The following UMAD1 variants were observed in gnomAD, a reference collection of about 807,000 sequenced individuals.
The protein encoded by UMAD1 is UBAP1-MVB12-associated (UMA) domain containing 1, also known as UBAP1-MVB12-associated (UMA)-domain containing protein 1.
Under a neutral mutation model 6.1 loss-of-function variants are expected in UMAD1, and 8 were observed. That is an observed-to-expected ratio of 1.30 (90% CI 0.76 to 2.35). The LOEUF (loss-of-function observed/expected upper bound fraction) is 2.35. Ranked by LOEUF, UMAD1 falls within the 30% of genes most tolerant of loss-of-function variation. The probability of loss-of-function intolerance (pLI) is 0.00; values close to 1 mark genes in which losing one functional copy is unlikely to be tolerated. For missense variants in UMAD1, 130 were observed against 78.4 expected (o/e 1.66, Z -2.49); for synonymous variants, 56 against 31.4 (o/e 1.78, Z -2.61).
intron 2 of UMAD1, among the ~76,000 whole-genome samples, chr7:7,677,618 T>C (rs1013301444): frequency 1.3e-5 from 2 of 152,026 alleles, no homozygotes; most frequent in Admixed American, 1.3e-4. Flanking sequence ...TAGTATTCCA[T>C]TGTGTATATG....
chr7:7,665,142 A>G (rs966853051), intron 1 of UMAD1, among the ~76,000 whole-genome samples: 2 of 152,210 alleles, frequency 1.3e-5, no homozygotes, highest in Non-Finnish European at 2.9e-5. Flanking sequence ...TTGAAATTCA[A>G]AGGAGATAAT....
At chr7:7,869,651 G>A (rs1784300764) in intron 3 of UMAD1, among the ~76,000 whole-genome samples, 2 of 152,308 alleles carry the variant, frequency 1.3e-5, no homozygotes, top group South Asian at 4.1e-4. Flanking sequence ...GCCAAATATA[G>A]ATGACTTTCA....
chr7:7,659,868 G>A (rs1563093791), intron 1 of UMAD1, among the ~76,000 whole-genome samples: 1 of 152,132 alleles, frequency 6.6e-6, no homozygotes, highest in Non-Finnish European at 1.5e-5. Flanking sequence ...TTAATTTTCT[G>A]TCTCGTTGAT....
At chr7:7,679,735 C>G (rs1024722341) in intron 2 of UMAD1, among the ~76,000 whole-genome samples, 2 of 142,980 alleles carry the variant, frequency 1.4e-5, no homozygotes, top group Non-Finnish European at 1.5e-5. Flanking sequence ...TATATATACA[C>G]ACACACATAT....
chr7:7,648,616 C>G (rs527372857), intron 1 of UMAD1, among the ~76,000 whole-genome samples: 6 of 151,884 alleles, frequency 4.0e-5, no homozygotes, highest in African/African-American at 1.5e-4. Context: ...TTTGGGAGGC[C>G]GAGGCAGGTA....
intron 2 of UMAD1, among the ~76,000 whole-genome samples, chr7:7,692,859 G>A (rs1016744532): frequency 6.6e-6 from 1 of 152,066 alleles, no homozygotes; most frequent in African/African-American, 2.4e-5. Context: ...TGCCTGCCTC[G>A]GCTTCCCACA....
chr7:7,766,087 A>C (rs958051842), intron 2 of UMAD1, among the ~76,000 whole-genome samples: 4 of 152,322 alleles, frequency 2.6e-5, no homozygotes, highest in South Asian at 4.1e-4. Context: ...GGCAGATAGA[A>C]CCGAAATGTA....
chr7:7,705,042 A>G (rs1317049493), intron 2 of UMAD1, among the ~76,000 whole-genome samples: 1 of 152,206 alleles, frequency 6.6e-6, no homozygotes, highest in South Asian at 2.1e-4. Flanking sequence ...CATCTGTAAC[A>G]CAGGACTACT....
intron 2 of UMAD1, among the ~76,000 whole-genome samples, chr7:7,712,380 A>AT (rs1437350760): frequency 2.0e-5 from 3 of 152,122 alleles, no homozygotes; most frequent in Non-Finnish European, 2.9e-5. Context: ...TCCTTAATAC[A>AT]TTTTTGTAAA....
chr7:7,850,732 A>C (rs890864500), intron 3 of UMAD1, among the ~76,000 whole-genome samples: 1 of 150,072 alleles, frequency 6.7e-6, no homozygotes, highest in Admixed American at 6.6e-5. Flanking sequence ...GAAGAGCTTG[A>C]TATTTTTCAA....
intron 2 of UMAD1, among the ~76,000 whole-genome samples, chr7:7,722,218 C>G (rs923170193): frequency 2.7e-5 from 4 of 149,622 alleles, no homozygotes; most frequent in African/African-American, 9.8e-5. Flanking sequence ...TAGATATATA[C>G]TATTAGTTCT....
intron 2 of UMAD1, among the ~76,000 whole-genome samples, chr7:7,711,064 G>A (rs1780750560): frequency 6.6e-6 from 1 of 152,166 alleles, no homozygotes; most frequent in Non-Finnish European, 1.5e-5. Context: ...GCAAGTGTGT[G>A]TGGCTATAGA....
At chr7:7,812,111 A>G (rs12702656) in intron 3 of UMAD1, among the ~76,000 whole-genome samples, 130,797 of 152,170 alleles carry the variant, frequency 0.86, 56,340 homozygotes, top group Non-Finnish European at 0.88. Flanking sequence ...TTGAAAGGTC[A>G]TAATTCTGGT....
chr7:7,814,021 G>A (rs1285746606), intron 3 of UMAD1, among the ~76,000 whole-genome samples: 2 of 151,124 alleles, frequency 1.3e-5, no homozygotes, highest in East Asian at 1.9e-4. Flanking sequence ...GTCTCGCTCT[G>A]TTGCCAGGCT....
rs796407618 is a variant in UMAD1 at position 7,655,110 on chromosome 7, G to A, written c.-64+14289G>A. Among the ~76,000 whole-genome samples, 14 of 152,180 alleles carry A rather than the reference G, an allele frequency of 9.2e-5. 1 individual carries two copies. Among genetic ancestry groups the A allele is most frequent in the African/African-American group, 3.1e-4 (13 of 41,508 alleles). ...ACAGCAATGATTCCAGACAGTTCCT[G>A]GTAGTAGATATCTTACATGCTAATG... On this transcript the variant is annotated intron_variant, in intron 1 of 3. Transcript: ENST00000682710.
chr7:7,730,797 C>G lies in UMAD1; in HGVS notation c.82+57344C>G, dbSNP rs1223927349. On this transcript the variant is annotated intron_variant, in intron 2 of 3. Coordinates refer to ENST00000682710, the MANE Select transcript of UMAD1 (RefSeq NM_001302348.2). Reference sequence around the variant, plus strand: ...AGCAGAAAGATGACAATTTTCAAAGCAAATAATATTTGATGAAATATACTG... The same window carrying G: ...AGCAGAAAGATGACAATTTTCAAAGGAAATAATATTTGATGAAATATACTG... Among the ~76,000 whole-genome samples the G allele has an allele frequency of 2.0e-5, 3 of 152,042 alleles. No individual in the cohort carries two copies. The East Asian group carries it at 5.8e-4, about 29-fold the overall frequency.
intron 1 of UMAD1, among the ~76,000 whole-genome samples, chr7:7,649,194 A>G (rs1381034070): frequency 9.9e-5 from 15 of 151,894 alleles, no homozygotes; most frequent in Non-Finnish European, 1.6e-4. Context: ...AGAAAAGAAT[A>G]AAAAAGGAAA....
chr7:7,705,966 C>T (rs1014114763), intron 2 of UMAD1, among the ~76,000 whole-genome samples: 2 of 152,030 alleles, frequency 1.3e-5, no homozygotes, highest in African/African-American at 4.8e-5. Context: ...AAAAAATAAC[C>T]TCTGCTTTAA....
At chr7:7,733,496 T>C (rs927564896) in intron 2 of UMAD1, among the ~76,000 whole-genome samples, 1 of 151,010 alleles carries the variant, frequency 6.6e-6, no homozygotes, top group African/African-American at 2.4e-5. Flanking sequence ...CTTGTTAGAA[T>C]AGATGTTGCT....
Sources: gnomAD v4.1 joint callset for allele counts (sites outside exome capture counted in the v4.1 genomes callset) on GRCh38, gnomAD v4.1.1 for gene constraint, MANE v1.5 for transcripts, NCBI Gene and HGNC (gene_info 2026-07-23, HGNC 2026-07-21) for gene names.